The following VPS37A variants were observed in gnomAD, a reference collection of about 807,000 sequenced individuals.
The protein encoded by VPS37A is VPS37A subunit of ESCRT-I, also known as vacuolar protein sorting-associated protein 37A.
A neutral mutation model predicts 49.8 loss-of-function variants in VPS37A; 30 were observed. The observed-to-expected ratio is 0.60, with a 90% CI of 0.45 to 0.82. VPS37A has a LOEUF of 0.82. VPS37A is among the 40% of genes least tolerant of loss of function. VPS37A has a pLI of 0.00. For missense variants in VPS37A, 593 were observed against 464.4 expected (o/e 1.28, Z -2.55); for synonymous variants, 195 against 160.6 (o/e 1.21, Z -1.62).
In VPS37A at chr8:17,280,122, G is replaced by A; in HGVS notation, c.808G>A (p.Asp270Asn). The A allele has an allele frequency of 1.2e-6, 2 of 1,612,704 alleles. No individual in the cohort carries two copies. The highest frequency in any genetic ancestry group is 1.7e-6 in the Non-Finnish European group (2 of 1,179,298). ...ACTAAAACAAATTATTACCGACAAA[G>A]ATGACTTAGTAAAAAGTATTGAGGA... Reference protein sequence around the residue: ...PQLKQIITDKDDLVKSIEELA... With the variant: ...PQLKQIITDKNDLVKSIEELA... Residue 270 changes from aspartate (D) to asparagine (N), a missense_variant, in exon 7 of 12, where the codon GAT (aspartate) becomes AAT (asparagine). Coordinates refer to ENST00000324849, the MANE Select transcript of VPS37A (RefSeq NM_152415.3).
At chr8:17,273,042 T>TTTTTTTTTTTTTG (rs1814156724) in intron 4 of VPS37A, among the ~76,000 whole-genome samples, 1 of 147,836 alleles carries the variant, frequency 6.8e-6, no homozygotes, top group African/African-American at 2.5e-5. Flanking sequence ...TTTTTTTTTT[T>TTTTTTTTTTTTTG]TTTTTTGGTG....
At chr8:17,292,964 G>C (rs1363977715) in intron 11 of VPS37A, among the ~76,000 whole-genome samples, 1 of 152,062 alleles carries the variant, frequency 6.6e-6, no homozygotes, top group Non-Finnish European at 1.5e-5. Context: ...TGTCTTTGTG[G>C]TATTCTCTGT....
chr8:17,272,197 T>A (rs1814061480), intron 4 of VPS37A: 1 of 400,980 alleles, frequency 2.5e-6, no homozygotes, highest in East Asian at 7.1e-5. Context: ...TGAGGCCCAT[T>A]AGACCTTCAT....
intron 11 of VPS37A, among the ~76,000 whole-genome samples, chr8:17,289,988 G>A (rs1336759019): frequency 2.6e-5 from 4 of 152,214 alleles, no homozygotes; most frequent in East Asian, 1.9e-4. Context: ...GTTCACTCAT[G>A]ATTTGGCTGT....
intron 1 of VPS37A, chr8:17,247,831 A>G (rs567206327): frequency 1.2e-4 from 84 of 696,136 alleles, no homozygotes; most frequent in South Asian, 1.2e-3. Context: ...CAGAGTTTTC[A>G]TCAGTGAATG....
chr8:17,247,142 A>AC lies in VPS37A; in HGVS notation c.-102dup, dbSNP rs959130256. ...GCGGTCCCCAGCGCTTGGGCCACGG[A>AC]CGTCCCACCCCGCTCCTCTGTCGCT... On this transcript the variant is annotated 5_prime_UTR_variant, in exon 1 of 12. Transcript: ENST00000324849. 2.7e-6 allele frequency: 4 copies of AC among 1,488,270 alleles called. No homozygotes were observed. The highest frequency in any genetic ancestry group is 2.8e-5 in the African/African-American group (2 of 71,524). The allele number at this position is 1,488,270 out of a possible 1,614,324, so 92.2% of individuals were successfully genotyped here. A position where few individuals can be genotyped will look rare whatever the true frequency, so the allele number is the denominator to read the frequency against.
At chr8:17,309,489 A>G in the VPS37A span, among the ~76,000 whole-genome samples, 6 of 152,222 alleles carry the variant, frequency 3.9e-5, no homozygotes, top group Non-Finnish European at 7.3e-5. Flanking sequence ...AGAGATGCAC[A>G]TGGCAAAGGC....
intron 6 of VPS37A, among the ~76,000 whole-genome samples, chr8:17,277,101 C>CT (rs1385171392): frequency 6.6e-6 from 1 of 151,982 alleles, no homozygotes; most frequent in Non-Finnish European, 1.5e-5. Flanking sequence ...TAGACTTTTT[C>CT]TTTATTTTTT....
At chr8:17,294,338 T>C (rs1450166081) in intron 11 of VPS37A, among the ~76,000 whole-genome samples, 2 of 152,182 alleles carry the variant, frequency 1.3e-5, no homozygotes, top group Non-Finnish European at 2.9e-5. Context: ...GACCTCAGAC[T>C]GCTATGCTGG....
At chr8:17,314,863 A>G in the VPS37A span, among the ~76,000 whole-genome samples, 1 of 152,178 alleles carries the variant, frequency 6.6e-6, no homozygotes, top group African/African-American at 2.4e-5. Flanking sequence ...CTACCTTTCT[A>G]AGGTCACAGT....
chr8:17,274,595 A>C (rs868120303), intron 4 of VPS37A, 138 bp from the exon 5 acceptor site: 45 of 573,296 alleles, frequency 7.8e-5, no homozygotes, highest in African/African-American at 7.2e-4. Context: ...TCCATTATAT[A>C]ATTTAATAAA....
At chr8:17,305,805 T>C, downstream of VPS37A, 1 of 1,613,614 alleles carries the variant, frequency 6.2e-7, no homozygotes, top group Non-Finnish European at 8.5e-7. Context: ...GTTTCCAAAC[T>C]GGCAGGAATA....
At chr8:17,317,711 G>A in the VPS37A span, among the ~76,000 whole-genome samples, 2 of 152,164 alleles carry the variant, frequency 1.3e-5, no homozygotes, top group African/African-American at 4.8e-5. Flanking sequence ...AGAGATACCT[G>A]ATGGCTCGAA....
intron 11 of VPS37A, among the ~76,000 whole-genome samples, chr8:17,287,757 G>C (rs926213585): frequency 2.0e-5 from 3 of 152,150 alleles, no homozygotes; most frequent in Admixed American, 2.0e-4. Context: ...ACAGCCGATG[G>C]AGATAAACAA....
chr8:17,279,404 A>G (rs1814824107), intron 6 of VPS37A, among the ~76,000 whole-genome samples: 1 of 152,130 alleles, frequency 6.6e-6, no homozygotes, highest in Non-Finnish European at 1.5e-5. Context: ...TGAAATGACT[A>G]GGAAGAAATT....
At chr8:17,254,180 A>C (rs1383322450) in intron 1 of VPS37A, among the ~76,000 whole-genome samples, 1 of 152,000 alleles carries the variant, frequency 6.6e-6, no homozygotes, top group African/African-American at 2.4e-5. Context: ...CTTGTTTGTG[A>C]ATACTTACTG....
chr8:17,270,371 TG>T (rs1813860710), intron 4 of VPS37A, among the ~76,000 whole-genome samples: 2 of 152,160 alleles, frequency 1.3e-5, no homozygotes, highest in South Asian at 4.1e-4. Flanking sequence ...TTGCATTACC[TG>T]GTGTCGTCTG....
rs1413664674 is a variant in VPS37A at position 17,296,287 on chromosome 8, G to A, written c.*1301G>A. On this transcript the variant is annotated 3_prime_UTR_variant, in exon 12 of 12. Transcript: ENST00000324849. ...GTATTCACGTGGACTGAGATACAAT[G>A]TTGGATACAGAAAATAACTTTCATT... 6.6e-6 allele frequency: 1 copy of A among 152,162 alleles called. No individual in the cohort carries two copies. The highest frequency in any genetic ancestry group is 1.5e-5 in the Non-Finnish European group (1 of 68,008). 9.4% of individuals were successfully genotyped at this position (152,162 alleles called of 1,614,324 possible).
At chr8:17,283,526 T>C (rs1487696628) in intron 9 of VPS37A, among the ~76,000 whole-genome samples, 2 of 152,202 alleles carry the variant, frequency 1.3e-5, no homozygotes, top group African/African-American at 4.8e-5. Context: ...ATCAATTTTG[T>C]ATTTAAGTAA....
Sources: gnomAD v4.1 joint callset for allele counts (sites outside exome capture counted in the v4.1 genomes callset) on GRCh38, gnomAD v4.1.1 for gene constraint, MANE v1.5 for transcripts, NCBI Gene and HGNC (gene_info 2026-07-23, HGNC 2026-07-21) for gene names.